CAD: variants seen among roughly 807,000 people sequenced by gnomAD.
CAD encodes the protein multifunctional protein CAD.
In CAD, 81 loss-of-function variants were observed where a neutral mutation model predicts 237.2. That is an observed-to-expected ratio of 0.34 (90% CI 0.29 to 0.41). CAD has a LOEUF of 0.41. CAD is among the 10% of genes least tolerant of loss of function. The pLI is 1.00. For missense variants in CAD, 2,181 were observed against 2,951.7 expected, an observed-to-expected ratio of 0.74 and a Z score of 6.05; for synonymous variants, 1,196 against 1,162.8, an observed-to-expected ratio of 1.03 and a Z score of -0.58.
At position 27,223,712 on chromosome 2, in the gene CAD, A is replaced by G. The variant is rs543954596; in HGVS notation, c.959A>G (p.Asn320Ser). Residue 320 changes from asparagine to serine, a missense_variant, in exon 7 of 44, where the codon AAT (asparagine) becomes AGT (serine). Physicochemically the swap from Asn to Ser is conservative, Grantham distance 46. Transcript: ENST00000264705. ...TTCACCAACGCCAATGATGGTTCCA[A>G]TGAAGGCATTGTGCACAACAGCTTG... Reference protein sequence around the residue: ...PLFTNANDGSNEGIVHNSLPF... With the variant: ...PLFTNANDGSSEGIVHNSLPF... The G allele has an allele frequency of 2.9e-5, 47 of 1,614,108 alleles. No homozygotes were observed. Among genetic ancestry groups the G allele is most frequent in the African/African-American group, 1.9e-4 (14 of 74,934 alleles).
At position 27,239,643 on chromosome 2, in the gene CAD, T is replaced by G; in HGVS notation, c.5395-54T>G. On this transcript the variant is annotated intron_variant, in intron 33 of 43. Coordinates refer to ENST00000264705, the MANE Select transcript of CAD (RefSeq NM_004341.5). This position sits in a 1 kb window ranked among gnomAD's most constrained non-coding sequence, Gnocchi z 4.0. ...TTTGTCCTTGCTGACATCTACCCCT[T>G]TAGGACCTGAGTTCTCTCTGCTCCC... The G allele has an allele frequency of 6.6e-7, 1 of 1,504,708 alleles. No homozygotes were observed. The highest frequency in any genetic ancestry group is 9.1e-7 in the Non-Finnish European group (1 of 1,103,670). The allele number at this position is 1,504,708 out of a possible 1,614,324, so 93.2% of individuals were successfully genotyped here. A position where few individuals can be genotyped will look rare whatever the true frequency, so the allele number is the denominator to read the frequency against.
At position 27,232,246 on chromosome 2, in the gene CAD, T is replaced by C. The variant is rs775652126; in HGVS notation, c.2645+22T>C. The C allele has an allele frequency of 1.1e-5, 18 of 1,611,924 alleles. No individual in the cohort carries two copies. Among genetic ancestry groups the C allele is most frequent in the Non-Finnish European group, 1.5e-5 (18 of 1,179,230 alleles). On this transcript the variant is annotated intron_variant, in intron 17 of 43. Coordinates refer to ENST00000264705, the MANE Select transcript of CAD (RefSeq NM_004341.5). This position sits in a 1 kb window ranked among gnomAD's most constrained non-coding sequence, Gnocchi z 4.1. ...TGAGGTCAGAGGTGGCAATGAGAGC[T>C]TCCGGCTGGGAAATGTGGGGCAGAA... is the stretch of plus-strand genomic sequence containing the variant.
Position 27,226,897 on chromosome 2 carries a change from C to T in CAD, c.2222C>T (p.Pro741Leu), listed in dbSNP as rs1321115692. The T allele has an allele frequency of 1.9e-6, 3 of 1,614,010 alleles. No individual in the cohort carries two copies. The highest frequency in any genetic ancestry group is 2.5e-6 in the Non-Finnish European group (3 of 1,180,008). Reference protein sequence around the residue: ...PSVDYCVVKIPRWDLSKFLRV... With the variant: ...PSVDYCVVKILRWDLSKFLRV... ...GTGGATTATTGTGTGGTGAAGATTC[C>T]TCGATGGGACCTTAGCAAGTTCCTG... The change falls in exon 15 of 44, where the codon CCT becomes CTT. Residue 741 changes from proline (P) to leucine (L), a missense_variant. Physicochemically the swap from Pro to Leu is moderately conservative, Grantham distance 98. Coordinates refer to ENST00000264705, the MANE Select transcript of CAD (RefSeq NM_004341.5).
In CAD at chr2:27,226,973, T is replaced by C; in HGVS notation, c.2287+11T>C. The C allele has an allele frequency of 6.2e-7, 1 of 1,613,912 alleles. No homozygotes were observed. The highest frequency in any genetic ancestry group is 8.5e-7 in the Non-Finnish European group (1 of 1,179,796). On this transcript the variant is annotated intron_variant, in intron 15 of 43. Coordinates refer to ENST00000264705, the MANE Select transcript of CAD (RefSeq NM_004341.5). Reference sequence around the variant, plus strand: ...GCATGAAGAGCGTTGGTGAGACTCATGCCCTGGGCACCCCCATGGGGCCCC... The same window carrying C: ...GCATGAAGAGCGTTGGTGAGACTCACGCCCTGGGCACCCCCATGGGGCCCC...
rs553324190 is a variant in CAD, at chr2:27,242,762, G to A, written c.6365G>A (p.Arg2122His). The A allele has an allele frequency of 2.0e-5, 32 of 1,614,158 alleles. No individual in the cohort carries two copies. The highest frequency in any genetic ancestry group is 1.1e-4 in the East Asian group (5 of 44,878). Reference sequence around the variant, plus strand: ...ACTGTGCGGGCCTTCGTGGCCTCCCGCGGCACCAAGCAGGTGAGACCCTCA... The same window carrying A: ...ACTGTGCGGGCCTTCGTGGCCTCCCACGGCACCAAGCAGGTGAGACCCTCA... ...PPTVRAFVAS[R>H]GTKQEEFESI... is the part of the protein sequence containing the mutation. The change falls in exon 41 of 44, where the codon CGC becomes CAC. Residue 2122 changes from arginine (R) to histidine (H), a missense_variant. Transcript: ENST00000264705. This position sits in a 1 kb window ranked among gnomAD's most constrained non-coding sequence, Gnocchi z 6.4.
In CAD at chr2:27,236,668, C is replaced by CTGG; in HGVS notation, c.4315-79_4315-77dup. On this transcript the variant is annotated intron_variant, in intron 26 of 43. Coordinates refer to ENST00000264705, the MANE Select transcript of CAD (RefSeq NM_004341.5). The surrounding 1 kb of genome is among the most constrained non-coding windows in gnomAD (Gnocchi z 4.1). ...ATGGTGGGTATAGAGTGTGCAGAGC[C>CTGG]TGGTTTATGGGAAAACCACATCTCT... The CTGG allele has an allele frequency of 6.4e-7, 1 of 1,556,110 alleles. No individual in the cohort carries two copies. The highest frequency in any genetic ancestry group is 8.9e-7 in the Non-Finnish European group (1 of 1,127,900).
At position 27,234,214 on chromosome 2, in the gene CAD, G is replaced by A. The variant is rs1158772384; in HGVS notation, c.3606G>A (p.Gln1202=). The change falls in exon 22 of 44, where the codon CAG becomes CAA. Residue 1202 remains glutamine (Q), a synonymous_variant. Coordinates refer to ENST00000264705, the MANE Select transcript of CAD (RefSeq NM_004341.5). ...AGGTCACAGGACCCTTCAATCTGCA[G>A]CTCATTGCCAAGGTAATAAGGCTAA... ...ELQVTGPFNL[Q]LIAKDDQLKV... is the part of the protein sequence containing the mutation. The A allele has an allele frequency of 6.2e-7, 1 of 1,614,066 alleles. No homozygotes were observed. The highest frequency in any genetic ancestry group is 2.2e-5 in the East Asian group (1 of 44,896).
rs1572444404 is a variant in CAD, at chr2:27,235,848, C to G, written c.4074+208C>G. ...CAGTGAGTGCACCACTGCACTCCAG[C>G]TTGGGAAACAGTGAGATGCTGTCTC... On this transcript the variant is annotated intron_variant, in intron 25 of 43. Transcript: ENST00000264705. This position sits in a 1 kb window ranked among gnomAD's most constrained non-coding sequence, Gnocchi z 5.2. 1.0e-5 allele frequency: 5 copies of G among 489,460 alleles called. No homozygotes were observed. The East Asian group carries it at 1.7e-4, about 17-fold the overall frequency. 30.3% of individuals were successfully genotyped at this position (489,460 alleles called of 1,614,324 possible). A position where few individuals can be genotyped will look rare whatever the true frequency, so the allele number is the denominator to read the frequency against.
At chr2:27,220,589 G>A (rs1455593828) in intron 2 of CAD, among the ~76,000 whole-genome samples, 1 of 151,720 alleles carries the variant, frequency 6.6e-6, no homozygotes, top group Non-Finnish European at 1.5e-5. Context: ...GATTGAGGCT[G>A]TAGTGAACCG....
Position 27,241,882 on chromosome 2 carries a change from G to A in CAD, c.5884-29G>A, listed in dbSNP as rs773110156. 16 of 1,589,668 alleles carry A rather than the reference G, an allele frequency of 1.0e-5. No individual in the cohort carries two copies. Among genetic ancestry groups the A allele is most frequent in the South Asian group, 3.3e-5 (3 of 90,346 alleles). On this transcript the variant is annotated intron_variant, in intron 38 of 43. Transcript: ENST00000264705. The surrounding 1 kb of genome is among the most constrained non-coding windows in gnomAD (Gnocchi z 4.6). Reference sequence around the variant, plus strand: ...GTTTCCCCAGGGTGGACACGCATACGTACACCTTCCATCTTGCTCTTTCCC... The same window carrying A: ...GTTTCCCCAGGGTGGACACGCATACATACACCTTCCATCTTGCTCTTTCCC...
At chr2:27,219,189 T>C (rs997932553) in intron 2 of CAD, among the ~76,000 whole-genome samples, 4 of 152,236 alleles carry the variant, frequency 2.6e-5, no homozygotes, top group Non-Finnish European at 4.4e-5. Flanking sequence ...TCTGCCAAAC[T>C]ATCCTTCAGA....
rs1252651505 is a variant in CAD at position 27,235,521 on chromosome 2, T to A, written c.3970-15T>A. The A allele has an allele frequency of 3.1e-6, 5 of 1,613,782 alleles. No homozygotes were observed. In the South Asian group the frequency reaches 5.5e-5, roughly 18 times the overall value. ...GACAGGAAGAAAACAATTTCATCCTTCTGTTTGGTTTCAGAACAAAAGCGA... is the reference window on the plus strand; with the variant it reads ...GACAGGAAGAAAACAATTTCATCCTACTGTTTGGTTTCAGAACAAAAGCGA... On this transcript the variant is annotated splice_polypyrimidine_tract_variant and intron_variant, in intron 24 of 43. Coordinates refer to ENST00000264705, the MANE Select transcript of CAD (RefSeq NM_004341.5). This position sits in a 1 kb window ranked among gnomAD's most constrained non-coding sequence, Gnocchi z 5.2.
At chr2:27,243,323 CG>C in intron 43 of CAD, 31 bp downstream of exon 43, 1 of 1,610,638 alleles carries the variant, frequency 6.2e-7, no homozygotes, top group Non-Finnish European at 8.5e-7. Flanking sequence ...GAGACTGCCT[CG>C]GGGCTGGTGG....
Position 27,237,749 on chromosome 2 carries a change from C to T in CAD, c.4595C>T (p.Ala1532Val), listed in dbSNP as rs200103144. The T allele has an allele frequency of 1.6e-5, 26 of 1,614,042 alleles. No homozygotes were observed. The highest frequency in any genetic ancestry group is 1.2e-4 in the African/African-American group (9 of 75,064). Reference protein sequence around the residue: ...LAEAGARCDFALFLGASSENA... With the variant: ...LAEAGARCDFVLFLGASSENA... ...GAGGCTGGCGCCCGGTGCGACTTTGCGCTATTCCTTGGGGCCTCGTCTGAA... is the reference window on the plus strand; with the variant it reads ...GAGGCTGGCGCCCGGTGCGACTTTGTGCTATTCCTTGGGGCCTCGTCTGAA... Residue 1532 changes from alanine to valine, a missense_variant, in exon 29 of 44, where the codon GCG becomes GTG. By Grantham distance (64) the Ala-to-Val change is moderately conservative. Transcript: ENST00000264705. This position sits in a 1 kb window ranked among gnomAD's most constrained non-coding sequence, Gnocchi z 4.0.
In CAD at chr2:27,239,763, C is replaced by T. The variant is rs947537947; in HGVS notation, c.5461C>T (p.Pro1821Ser). Residue 1821 changes from proline (P) to serine (S), a missense_variant, in exon 34 of 44, where the codon CCA (proline) becomes TCA (serine). This residue lies in a region of CAD where 478 missense variants were observed against 515.0 expected (regional missense o/e 0.93). Transcript: ENST00000264705. This position sits in a 1 kb window ranked among gnomAD's most constrained non-coding sequence, Gnocchi z 4.0. Reference protein sequence around the residue: ...KWPQGAVPQLPPSAPATSEMT... With the variant: ...KWPQGAVPQLSPSAPATSEMT... ...GCCACAGGGGGCTGTTCCTCAGCTC[C>T]CACCCTCAGCCCCTGCCACTAGTGA... 2 of 1,583,788 alleles carry T rather than the reference C, an allele frequency of 1.3e-6. No homozygotes were observed. The highest frequency in any genetic ancestry group is 1.8e-5 in the Admixed American group (1 of 55,448).
chr2:27,226,809 G>T (rs1271446108), intron 14 of CAD, 23 bp from the exon 15 acceptor site: 1 of 1,613,370 alleles, frequency 6.2e-7, no homozygotes, highest in African/African-American at 1.3e-5. Flanking sequence ...TGTCCTTCTG[G>T]CATCCCACCT....
Position 27,242,859 on chromosome 2 carries a change from C to T in CAD, c.6379-13C>T, listed in dbSNP as rs750732439. ...CCAGCGCTGCATCCACCATGGCTCTCCTCACCCTCCAGGAGGAATTCGAGA... is the reference window on the plus strand; with the variant it reads ...CCAGCGCTGCATCCACCATGGCTCTTCTCACCCTCCAGGAGGAATTCGAGA... On this transcript the variant is annotated splice_polypyrimidine_tract_variant and intron_variant, in intron 41 of 43. Transcript: ENST00000264705. The surrounding 1 kb of genome is among the most constrained non-coding windows in gnomAD (Gnocchi z 6.4). The T allele has an allele frequency of 2.1e-5, 34 of 1,613,704 alleles. No homozygotes were observed. The highest frequency in any genetic ancestry group is 2.7e-5 in the Non-Finnish European group (32 of 1,179,698).
rs759380014 is a variant in CAD at position 27,242,726 on chromosome 2, G to C, written c.6329G>C (p.Arg2110Pro). Reference protein sequence around the residue: ...SLRYVAPPSLRMPPTVRAFVA... With the variant: ...SLRYVAPPSLPMPPTVRAFVA... ...CGCTACGTGGCACCTCCCAGCCTGC[G>C]CATGCCACCCACTGTGCGGGCCTTC... The change falls in exon 41 of 44, where the codon CGC becomes CCC. Residue 2110 changes from arginine to proline, a missense_variant. Physicochemically the swap from Arg to Pro is moderately radical, Grantham distance 103. Transcript: ENST00000264705. This position sits in a 1 kb window ranked among gnomAD's most constrained non-coding sequence, Gnocchi z 6.4. 6.2e-7 allele frequency: 1 copy of C among 1,614,176 alleles called. No homozygotes were observed. Among genetic ancestry groups the C allele is most frequent in the Admixed American group, 1.7e-5 (1 of 60,020 alleles).
At chr2:27,221,421 TCTG>T (rs2148057418) in intron 3 of CAD, 74 bp downstream of exon 3, 1 of 1,315,374 alleles carries the variant, frequency 7.6e-7, no homozygotes, top group African/African-American at 1.5e-5. Flanking sequence ...GTTTCTGTAA[TCTG>T]CTGGGACCTG....
Sources: allele counts gnomAD v4.1 joint callset (sites outside exome capture counted in the v4.1 genomes callset), GRCh38; gene constraint gnomAD v4.1.1; regional missense constraint gnomAD v4.1.1; non-coding constraint Gnocchi (gnomAD v3.1); transcripts MANE v1.5; gene names NCBI Gene and HGNC (gene_info 2026-07-23, HGNC 2026-07-21).